CHD5: variants seen among roughly 807,000 people sequenced by gnomAD.
CHD5 encodes ATP-dependent chromatin remodeler CHD5.
In CHD5, 69 loss-of-function variants were observed where a neutral mutation model predicts 230.3. That is an observed-to-expected ratio of 0.30 (90% confidence interval 0.25 to 0.37). CHD5 has a LOEUF of 0.37. Among genes scored for constraint, CHD5 ranks in the 10% least tolerant of loss-of-function variants. CHD5 has a pLI of 1.00. For missense variants in CHD5, 1,827 were observed against 2,622.8 expected (o/e 0.70, Z 6.63); for synonymous variants, 1,064 against 1,065.9 (o/e 1.00, Z 0.03).
At position 6,121,303 on chromosome 1, in the gene CHD5, G is replaced by A. The variant is rs538558054; in HGVS notation, c.4780-66C>T. 133 of 1,575,466 alleles carry A rather than the reference G, an allele frequency of 8.4e-5. No homozygotes were observed. The East Asian group carries it at 2.6e-3, about 31-fold the overall frequency. ...TCACCAGGAACGGAGGGCGGGGAAC[G>A]TGCGCTGGGCTGGGAACCCAGTCTC... is the stretch of plus-strand genomic sequence containing the variant. On this transcript the variant is annotated intron_variant, in intron 32 of 41. Coordinates refer to ENST00000262450, the MANE Select transcript of CHD5 (RefSeq NM_015557.3). The surrounding 1 kb of genome is among the most constrained non-coding windows in gnomAD (Gnocchi z 4.5).
Position 6,106,202 on chromosome 1 carries a change from C to T in CHD5, c.*46+32G>A, listed in dbSNP as rs543419175. 3.5e-4 allele frequency: 560 copies of T among 1,589,822 alleles called. 1 individual carries two copies. Among genetic ancestry groups the T allele is most frequent in the Non-Finnish European group, 4.5e-4 (526 of 1,159,784 alleles). On this transcript the variant is annotated intron_variant, in intron 41 of 41. Coordinates refer to ENST00000262450, the MANE Select transcript of CHD5 (RefSeq NM_015557.3). ...GCCTGGTTTGCCAGCAATGGGGTGG[C>T]GGGGAGGAACACAGCACCCAGCAGC...
intron 7 of CHD5, 64 bp downstream of exon 7, chr1:6,150,968 G>A (rs1666997941): frequency 1.4e-6 from 2 of 1,442,444 alleles, no homozygotes; most frequent in South Asian, 3.3e-5. Context: ...CAGATGGGGA[G>A]TCCTACTCGT....
intron 18 of CHD5, 144 bp downstream of exon 18, chr1:6,135,086 G>T (rs1430173146): frequency 9.8e-7 from 1 of 1,020,986 alleles, no homozygotes; most frequent in Non-Finnish European, 1.5e-6. Flanking sequence ...CTGAGAAGAG[G>T]CCCCACGAAG....
chr1:6,174,545 T>C (rs1012529564), intron 1 of CHD5, among the ~76,000 whole-genome samples: 62 of 139,116 alleles, frequency 4.5e-4, no homozygotes, highest in African/African-American at 1.3e-3. Flanking sequence ...GGATGGCAGA[T>C]GGATGGACAC....
intron 13 of CHD5, 115 bp downstream of exon 13, chr1:6,143,708 G>A: frequency 2.2e-6 from 2 of 911,306 alleles, no homozygotes; most frequent in Admixed American, 3.9e-5. Flanking sequence ...GTCTGCATAA[G>A]CCATGAGGGC....
intron 7 of CHD5, 131 bp from the exon 8 acceptor site, chr1:6,149,543 A>C (rs1032723139): frequency 1.3e-6 from 1 of 794,800 alleles, no homozygotes; most frequent in Non-Finnish European, 1.9e-6. Context: ...TGGGTGGGTG[A>C]ATAGACTGAT....
At position 6,125,413 on chromosome 1, in the gene CHD5, G is replaced by T; in HGVS notation, c.4260+111C>A. ...GAAGACCAGACCAAGTTCTGTCCAAGCTCCGCCTCTACCTGGCATGAGACC... is the reference window on the plus strand; with the variant it reads ...GAAGACCAGACCAAGTTCTGTCCAATCTCCGCCTCTACCTGGCATGAGACC... On this transcript the variant is annotated intron_variant, in intron 28 of 41. Transcript: ENST00000262450. This position sits in a 1 kb window ranked among gnomAD's most constrained non-coding sequence, Gnocchi z 6.7. 3.0e-6 allele frequency: 4 copies of T among 1,322,538 alleles called. No homozygotes were observed. The South Asian group carries it at 4.1e-5, about 14-fold the overall frequency. 81.9% of individuals were successfully genotyped at this position (1,322,538 alleles called of 1,614,324 possible). A position where few individuals can be genotyped will look rare whatever the true frequency, so the allele number is the denominator to read the frequency against.
rs1344400319 is a variant in CHD5 at position 6,180,282 on chromosome 1, G to T, written c.-259C>A. Among the ~76,000 whole-genome samples, 5 of 151,362 alleles carry T rather than the reference G, an allele frequency of 3.3e-5. No individual in the cohort carries two copies. The South Asian group carries it at 1.0e-3, about 31-fold the overall frequency. On this transcript the variant is annotated 5_prime_UTR_variant, in exon 1 of 42. Coordinates refer to ENST00000262450, the MANE Select transcript of CHD5 (RefSeq NM_015557.3). ...CCCCGCAGCCCGAGTCCCGCAGCCG[G>T]CCGAGGGTGGCGGCGGCAGCGCCAG...
In CHD5 at chr1:6,134,890, G is replaced by A; in HGVS notation, c.2871-31C>T. 1 of 1,613,422 alleles carries A rather than the reference G, an allele frequency of 6.2e-7. No homozygotes were observed. Among genetic ancestry groups the A allele is most frequent in the South Asian group, 1.1e-5 (1 of 91,036 alleles). ...GCAGGGCACGAGGAAAGGCAGGCTG[G>A]GTCAGACCCGCCTCCATGAGGGCTC... On this transcript the variant is annotated intron_variant, in intron 18 of 41. Coordinates refer to ENST00000262450, the MANE Select transcript of CHD5 (RefSeq NM_015557.3). This position sits in a 1 kb window ranked among gnomAD's most constrained non-coding sequence, Gnocchi z 6.3.
chr1:6,139,537 G>T (rs910836956), intron 15 of CHD5, among the ~76,000 whole-genome samples: 3 of 145,214 alleles, frequency 2.1e-5, no homozygotes, highest in Non-Finnish European at 3.0e-5. Flanking sequence ...GTGCCCGGCT[G>T]ATTTTTTTTT....
chr1:6,137,031 C>T lies in CHD5; in HGVS notation c.2437-166G>A, dbSNP rs968164812. Among the ~76,000 whole-genome samples the T allele has an allele frequency of 5.9e-5, 9 of 152,004 alleles. No homozygotes were observed. The South Asian group carries it at 1.0e-3, about 18-fold the overall frequency. On this transcript the variant is annotated intron_variant, in intron 15 of 41. Transcript: ENST00000262450. ...AGAGGGGCAGATGCTGACCACCAAGCAGAGGGGCATCCACTGAGGCTCAGA... is the reference window on the plus strand; with the variant it reads ...AGAGGGGCAGATGCTGACCACCAAGTAGAGGGGCATCCACTGAGGCTCAGA...
chr1:6,117,606 C>A (rs1206563801), intron 33 of CHD5, among the ~76,000 whole-genome samples: 1 of 151,934 alleles, frequency 6.6e-6, no homozygotes, highest in Non-Finnish European at 1.5e-5. Flanking sequence ...TAAAAAAATC[C>A]AATTTTAAAG....
intron 33 of CHD5, among the ~76,000 whole-genome samples, chr1:6,116,292 C>A (rs760312760): frequency 8.6e-5 from 13 of 151,942 alleles, no homozygotes; most frequent in Non-Finnish European, 1.3e-4. Flanking sequence ...ATGAATGAAC[C>A]AATCAATGAG....
rs751882409 is a variant in CHD5, at chr1:6,155,728, C to G, written c.388-11G>C. 6.2e-7 allele frequency: 1 copy of G among 1,610,528 alleles called. No individual in the cohort carries two copies. Among genetic ancestry groups the G allele is most frequent in the Admixed American group, 1.7e-5 (1 of 60,010 alleles). On this transcript the variant is annotated splice_polypyrimidine_tract_variant and intron_variant, in intron 3 of 41. Transcript: ENST00000262450. This position sits in a 1 kb window ranked among gnomAD's most constrained non-coding sequence, Gnocchi z 4.0. ...CGAGGACTTGGGCTCCTACAGAGACCCAGGCCAGAGGTAGAGTTGTTGAGG... is the reference window on the plus strand; with the variant it reads ...CGAGGACTTGGGCTCCTACAGAGACGCAGGCCAGAGGTAGAGTTGTTGAGG...
In CHD5 at chr1:6,146,263, C is replaced by A. The variant is rs141210110; in HGVS notation, c.1751G>T (p.Arg584Leu). 7.4e-6 allele frequency: 12 copies of A among 1,614,168 alleles called. No individual in the cohort carries two copies. The highest frequency in any genetic ancestry group is 1.0e-5 in the Non-Finnish European group (12 of 1,180,018). ...LYAKMEERFY[R>L]YGIKPEWMMI... ...CATCCACTCTGGCTTGATGCCATAG[C>A]GGTAGAAGCGCTCCTCCATCTTGGC... The change falls in exon 11 of 42, where the codon CGC becomes CTC. Residue 584 changes from arginine (R) to leucine (L), a missense_variant. Arg to Leu is a moderately radical substitution (Grantham distance 102). Transcript: ENST00000262450. The surrounding 1 kb of genome is among the most constrained non-coding windows in gnomAD (Gnocchi z 5.1).
chr1:6,146,183 G>C lies in CHD5; in HGVS notation c.1802+29C>G. The C allele has an allele frequency of 6.2e-7, 1 of 1,604,780 alleles. No homozygotes were observed. Among genetic ancestry groups the C allele is most frequent in the South Asian group, 1.1e-5 (1 of 90,742 alleles). ...GCTGACGTGGCCCGGCCCCAGCGATGGGCAGGGTGGCCGCCTGCAGGCACA... is the reference window on the plus strand; with the variant it reads ...GCTGACGTGGCCCGGCCCCAGCGATCGGCAGGGTGGCCGCCTGCAGGCACA... On this transcript the variant is annotated intron_variant, in intron 11 of 41. Transcript: ENST00000262450. This position sits in a 1 kb window ranked among gnomAD's most constrained non-coding sequence, Gnocchi z 5.1.
intron 15 of CHD5, among the ~76,000 whole-genome samples, chr1:6,138,692 G>C (rs1296594883): frequency 1.4e-4 from 22 of 152,238 alleles, no homozygotes. Context: ...AGATCTCAAA[G>C]AGCTAAGTCT....
chr1:6,166,200 CA>C (rs773882892), intron 2 of CHD5, among the ~76,000 whole-genome samples: 6 of 148,750 alleles, frequency 4.0e-5, no homozygotes, highest in Non-Finnish European at 7.4e-5. Flanking sequence ...CAGGGTGGTA[CA>C]CACACAGTCA....
intron 36 of CHD5, among the ~76,000 whole-genome samples, 160 bp from the exon 37 acceptor site, chr1:6,110,686 T>C (rs1666274798): frequency 6.6e-6 from 1 of 152,150 alleles, no homozygotes; most frequent in South Asian, 2.1e-4. Flanking sequence ...AACATATTGA[T>C]GACACAACAG....
Sources: gnomAD v4.1 joint callset for allele counts (sites outside exome capture counted in the v4.1 genomes callset) on GRCh38, gnomAD v4.1.1 for gene constraint, Gnocchi (gnomAD v3.1) non-coding constraint, MANE v1.5 for transcripts, NCBI Gene and HGNC (gene_info 2026-07-23, HGNC 2026-07-21) for gene names.